Variants in CSRNP2 observed in about 807,000 individuals in gnomAD.
CSRNP2 encodes the protein cysteine and serine rich nuclear protein 2, also known as cysteine/serine-rich nuclear protein 2.
CSRNP2 carries 11 observed loss-of-function variants against 36.6 expected under a neutral mutation model. The ratio of observed to expected loss-of-function variants is 0.30; its 90% CI spans 0.19 to 0.50. CSRNP2 has a LOEUF of 0.50. Among genes scored for constraint, CSRNP2 ranks in the 20% least tolerant of loss-of-function variants. The pLI is 0.98. For synonymous variants in CSRNP2, 248 were observed against 275.3 expected (o/e 0.90, Z 0.98); for missense variants, 483 against 691.4 (o/e 0.70, Z 3.38).
chr12:51,076,837 A>C, intron 1 of CSRNP2, 190 bp from the exon 2 acceptor site: 2 of 376,606 alleles, frequency 5.3e-6, no homozygotes, highest in Non-Finnish European at 5.0e-6. Flanking sequence ...TCTATTCTCA[A>C]TCACTCTTAG....
At chr12:51,066,697 G>T (rs1357782750) in intron 4 of CSRNP2, among the ~76,000 whole-genome samples, 1 of 151,980 alleles carries the variant, frequency 6.6e-6, no homozygotes, top group Non-Finnish European at 1.5e-5. Flanking sequence ...GATAACTATG[G>T]TTTTAAGCTC....
Position 51,063,663 on chromosome 12 carries a change from T to C in CSRNP2, c.*83A>G. 2 of 1,076,312 alleles carry C rather than the reference T, an allele frequency of 1.9e-6. No individual in the cohort carries two copies. Among genetic ancestry groups the C allele is most frequent in the Non-Finnish European group, 2.6e-6 (2 of 772,382 alleles). 66.7% of individuals were successfully genotyped at this position (1,076,312 alleles called of 1,614,324 possible). ...AAATAACATGGGAGCAGCAGCTGCT[T>C]CTACAGTTTTGTTTTGAAATGGTGT... On this transcript the variant is annotated 3_prime_UTR_variant, in exon 5 of 5. Coordinates refer to ENST00000228515, the MANE Select transcript of CSRNP2 (RefSeq NM_030809.3).
intron 3 of CSRNP2, among the ~76,000 whole-genome samples, chr12:51,068,940 GC>G (rs1938706258): frequency 1.3e-5 from 2 of 152,120 alleles, no homozygotes; most frequent in African/African-American, 4.8e-5. Flanking sequence ...ATTAAAGAAA[GC>G]CCTTGGCCGA....
chr12:51,077,373 T>C (rs973582013), intron 1 of CSRNP2, among the ~76,000 whole-genome samples: 2 of 152,198 alleles, frequency 1.3e-5, no homozygotes, highest in African/African-American at 4.8e-5. Flanking sequence ...TTGCCTATAG[T>C]GGAACTTCTT....
At chr12:51,066,369 C>T (rs1354802773) in intron 4 of CSRNP2, among the ~76,000 whole-genome samples, 1 of 150,736 alleles carries the variant, frequency 6.6e-6, no homozygotes, top group Non-Finnish European at 1.5e-5. Flanking sequence ...AGGAGAATTG[C>T]TTGAACCCGG....
At position 51,062,906 on chromosome 12, in the gene CSRNP2, G is replaced by C. The variant is rs1937713951; in HGVS notation, c.*840C>G. ...TTGGCCACAGTTAATGCTCCACATA[G>C]GCCTCCTATGGGATGGGTGAGCCCC... On this transcript the variant is annotated 3_prime_UTR_variant, in exon 5 of 5. Coordinates refer to ENST00000228515, the MANE Select transcript of CSRNP2 (RefSeq NM_030809.3). 6.6e-6 allele frequency: 1 copy of C among 152,460 alleles called. No individual in the cohort carries two copies. Among genetic ancestry groups the C allele is most frequent in the South Asian group, 2.1e-4 (1 of 4,828 alleles). 9.4% of individuals were successfully genotyped at this position (152,460 alleles called of 1,614,324 possible).
chr12:51,072,562 CAAAAAAAAA>C (rs71089741), intron 3 of CSRNP2, among the ~76,000 whole-genome samples: 10 of 66,926 alleles, frequency 1.5e-4, no homozygotes, highest in African/African-American at 4.0e-4. Context: ...GGCTCCGTCT[CAAAAAAAAA>C]AAAAAAAAAA....
rs1937684710 is a variant in CSRNP2, at chr12:51,062,593, G to A, written c.*1153C>T. ...CATGTAGCATTTAAGAACTGGTTTG[G>A]CTTCCAATTTTTATATATCATCAAG... On this transcript the variant is annotated 3_prime_UTR_variant, in exon 5 of 5. Coordinates refer to ENST00000228515, the MANE Select transcript of CSRNP2 (RefSeq NM_030809.3). 6.6e-6 allele frequency: 1 copy of A among 152,136 alleles called. No individual in the cohort carries two copies. The highest frequency in any genetic ancestry group is 1.5e-5 in the Non-Finnish European group (1 of 68,030). 9.4% of individuals were successfully genotyped at this position (152,136 alleles called of 1,614,324 possible). A position where few individuals can be genotyped will look rare whatever the true frequency, so the allele number is the denominator to read the frequency against.
rs1276421755 is a variant in CSRNP2 at position 51,061,242 on chromosome 12, T to C, written c.*2504A>G. On this transcript the variant is annotated 3_prime_UTR_variant, in exon 5 of 5. Transcript: ENST00000228515. The stretch of plus-strand genomic sequence containing the variant: ...TTTCTTTAATATTACATTTAAATAT[T>C]CTCTTTAAATACAGCATTATCACAA... 6.6e-6 allele frequency: 1 copy of C among 152,584 alleles called. No homozygotes were observed. The highest frequency in any genetic ancestry group is 1.5e-5 in the Non-Finnish European group (1 of 68,042). The allele number at this position is 152,584 out of a possible 1,614,324, so 9.5% of individuals were successfully genotyped here.
chr12:51,070,821 C>A (rs1475314148), intron 3 of CSRNP2, among the ~76,000 whole-genome samples: 1 of 152,056 alleles, frequency 6.6e-6, no homozygotes, highest in Non-Finnish European at 1.5e-5. Context: ...TTTTTGAAAC[C>A]AACTGCCTCC....
intron 2 of CSRNP2, among the ~76,000 whole-genome samples, chr12:51,075,717 G>T (rs1390480687): frequency 6.6e-6 from 1 of 152,186 alleles, no homozygotes; most frequent in East Asian, 1.9e-4. Flanking sequence ...CTCATATATA[G>T]TATCAGTTCT....
intron 2 of CSRNP2, 38 bp downstream of exon 2, chr12:51,076,373 G>C (rs548990741): frequency 4.4e-6 from 7 of 1,604,806 alleles, no homozygotes; most frequent in Non-Finnish European, 6.0e-6. Flanking sequence ...GCTGCTTGGG[G>C]AATGTGGGTA....
At chr12:51,075,162 G>C (rs1939343811) in intron 2 of CSRNP2, among the ~76,000 whole-genome samples, 5 of 151,808 alleles carry the variant, frequency 3.3e-5, no homozygotes, top group Admixed American at 3.3e-4. Context: ...ACCCAGGCTA[G>C]AGTGCATGGC....
rs2136831484 is a variant in CSRNP2 at position 51,064,285 on chromosome 12, G to C, written c.1093C>G (p.Leu365Val). ...SLGVCILEEP[L>V]AVPEELCPGL... Reference sequence around the variant, plus strand: ...GGGCACAGCTCTTCGGGGACAGCCAGAGGCTCCTCTAGGATGCACACACCC... The same window carrying C: ...GGGCACAGCTCTTCGGGGACAGCCACAGGCTCCTCTAGGATGCACACACCC... The change falls in exon 5 of 5, where the codon CTG (leucine) becomes GTG (valine). Residue 365 changes from leucine to valine, a missense_variant. Transcript: ENST00000228515. The C allele has an allele frequency of 9.9e-6, 16 of 1,613,130 alleles. No individual in the cohort carries two copies. The highest frequency in any genetic ancestry group is 1.4e-5 in the Non-Finnish European group (16 of 1,179,570).
intron 3 of CSRNP2, among the ~76,000 whole-genome samples, chr12:51,072,862 C>T (rs1348924885): frequency 6.6e-6 from 1 of 152,122 alleles, no homozygotes; most frequent in Non-Finnish European, 1.5e-5. Flanking sequence ...AATTGTGCTT[C>T]CTTGAGTTCC....
At chr12:51,069,768 C>G (rs535417930) in intron 3 of CSRNP2, among the ~76,000 whole-genome samples, 1 of 150,952 alleles carries the variant, frequency 6.6e-6, no homozygotes, top group Non-Finnish European at 1.5e-5. Flanking sequence ...TCTCGGCTCA[C>G]TGCAAGCTCC....
rs192117049 is a variant in CSRNP2, at chr12:51,077,636, C to G, written c.-86-989G>C. The stretch of plus-strand genomic sequence containing the variant: ...GCTTCTATAAAGGTCAAATTTGGTA[C>G]CAAAGAATGGACCCAAGATTAGAAT... On this transcript the variant is annotated intron_variant, in intron 1 of 4. Coordinates refer to ENST00000228515, the MANE Select transcript of CSRNP2 (RefSeq NM_030809.3). Among the ~76,000 whole-genome samples the G allele has an allele frequency of 2.6e-5, 4 of 152,180 alleles. No homozygotes were observed. In the East Asian group the frequency reaches 7.7e-4, roughly 29 times the overall value.
Position 51,064,486 on chromosome 12 carries a change from C to A in CSRNP2, c.892G>T (p.Ala298Ser). Residue 298 changes from alanine (A) to serine (S), a missense_variant, in exon 5 of 5, where the codon GCC (alanine) becomes TCC (serine). Ala to Ser is a moderately conservative substitution (Grantham distance 99). Transcript: ENST00000228515. The stretch of plus-strand genomic sequence containing the variant: ...TGTGCTCCTGTCAGGCTGCAACTGG[C>A]AGTCGGGGAGGGCTCCTCATCTGGG... ...AAPDEEPSPT[A>S]SCSLTGAQGS... 6.2e-7 allele frequency: 1 copy of A among 1,609,450 alleles called. No homozygotes were observed. Among genetic ancestry groups the A allele is most frequent in the Non-Finnish European group, 8.5e-7 (1 of 1,177,818 alleles).
intron 4 of CSRNP2, 84 bp from the exon 5 acceptor site, chr12:51,064,753 A>T (rs1937943295): frequency 7.9e-7 from 1 of 1,266,944 alleles, no homozygotes; most frequent in Non-Finnish European, 1.1e-6. Flanking sequence ...GCAAACAGGC[A>T]GTTGGGATTT....
Sources: allele counts gnomAD v4.1 joint callset (sites outside exome capture counted in the v4.1 genomes callset), GRCh38; gene constraint gnomAD v4.1.1; transcripts MANE v1.5; gene names NCBI Gene and HGNC (gene_info 2026-07-23, HGNC 2026-07-21).